Variants in MAN2A1 observed in about 807,000 individuals in gnomAD.
MAN2A1 encodes alpha-mannosidase 2.
A neutral mutation model predicts 142.6 loss-of-function variants in MAN2A1; 76 were observed. The ratio of observed to expected loss-of-function variants is 0.53; its 90% CI spans 0.44 to 0.65. MAN2A1 has a LOEUF of 0.65. Among genes scored for constraint, MAN2A1 ranks in the 30% least tolerant of loss-of-function variants. The pLI is 0.00. For synonymous variants in MAN2A1, 559 were observed against 473.2 expected, an observed-to-expected ratio of 1.18 and a Z score of -2.35; for missense variants, 1,311 against 1,365.1, an observed-to-expected ratio of 0.96 and a Z score of 0.62.
intron 16 of MAN2A1, among the ~76,000 whole-genome samples, chr5:109,836,976 C>A (rs544419696): frequency 1.3e-5 from 2 of 151,596 alleles, no homozygotes; most frequent in African/African-American, 2.4e-5. Flanking sequence ...TGTTTCTCTG[C>A]CAAGAGAGAC....
At chr5:109,811,633 C>T (rs1346264715) in intron 12 of MAN2A1, among the ~76,000 whole-genome samples, 4 of 150,352 alleles carry the variant, frequency 2.7e-5, no homozygotes, top group Non-Finnish European at 5.9e-5. Context: ...TGCATGCATA[C>T]GTATGCATCC....
At chr5:109,784,992 C>T (rs1282051087) in intron 10 of MAN2A1, 66 bp downstream of exon 10, 3 of 1,231,592 alleles carry the variant, frequency 2.4e-6, no homozygotes, top group South Asian at 3.2e-5. Flanking sequence ...AAGATTATAT[C>T]TTTTGGTGAA....
chr5:109,730,173 A>G (rs1408676022), intron 4 of MAN2A1, among the ~76,000 whole-genome samples: 2 of 152,156 alleles, frequency 1.3e-5, no homozygotes, highest in Non-Finnish European at 1.5e-5. Flanking sequence ...TTAGTCAGCA[A>G]TATAATTTTT....
chr5:109,722,204 T>C (rs1267552130), intron 3 of MAN2A1, among the ~76,000 whole-genome samples: 1 of 152,206 alleles, frequency 6.6e-6, no homozygotes, highest in Non-Finnish European at 1.5e-5. Flanking sequence ...TTATTAACCA[T>C]AAAAAAGATT....
At chr5:109,820,478 C>A (rs1754593985) in intron 15 of MAN2A1, 136 bp downstream of exon 15, 2 of 853,668 alleles carry the variant, frequency 2.3e-6, no homozygotes, top group Non-Finnish European at 3.5e-6. Flanking sequence ...GCAGTATTAT[C>A]TATCACCTTA....
chr5:109,701,346 C>T (rs1463016405), intron 1 of MAN2A1, among the ~76,000 whole-genome samples: 2 of 152,212 alleles, frequency 1.3e-5, no homozygotes, highest in Admixed American at 6.5e-5. Flanking sequence ...GCTTTGAATC[C>T]TGGAGGAGAT....
chr5:109,754,939 T>C (rs1375104342), intron 4 of MAN2A1, among the ~76,000 whole-genome samples: 1 of 152,226 alleles, frequency 6.6e-6, no homozygotes, highest in Non-Finnish European at 1.5e-5. Context: ...AGGCGGAGGT[T>C]GCAGTGAGCC....
chr5:109,853,644 T>G (rs967763179), intron 19 of MAN2A1: 1 of 152,200 alleles, frequency 6.6e-6, no homozygotes, highest in African/African-American at 2.4e-5. Flanking sequence ...GTGTTTTCTT[T>G]TCTGTTTGAA....
intron 1 of MAN2A1, among the ~76,000 whole-genome samples, chr5:109,703,284 C>T (rs934579863): frequency 1.3e-5 from 2 of 152,198 alleles, no homozygotes; most frequent in Non-Finnish European, 2.9e-5. Flanking sequence ...TCCTAACATG[C>T]AATACATGGC....
At chr5:109,788,493 G>A (rs189675222) in intron 10 of MAN2A1, among the ~76,000 whole-genome samples, 2 of 151,868 alleles carry the variant, frequency 1.3e-5, no homozygotes, top group Admixed American at 1.3e-4. Flanking sequence ...AATTCTTGGG[G>A]TATGACTTGT....
intron 20 of MAN2A1, among the ~76,000 whole-genome samples, chr5:109,858,596 C>T (rs1347049974): frequency 6.6e-6 from 1 of 152,178 alleles, no homozygotes; most frequent in Non-Finnish European, 1.5e-5. Flanking sequence ...GAAATAATGT[C>T]AAAATAGACA....
At chr5:109,864,907 T>C in intron 20 of MAN2A1, 129 bp from the exon 21 acceptor site, 2 of 678,570 alleles carry the variant, frequency 2.9e-6, no homozygotes, top group South Asian at 1.7e-5. Context: ...TGAGGAGAAA[T>C]GAATTTGCCT....
At chr5:109,749,991 G>T (rs74390391) in intron 4 of MAN2A1, among the ~76,000 whole-genome samples, 1 of 151,934 alleles carries the variant, frequency 6.6e-6, no homozygotes, top group Non-Finnish European at 1.5e-5. Context: ...GTGGCTTTAA[G>T]TATGGTCCTT....
chr5:109,845,657 T>A (rs1755326474), intron 17 of MAN2A1, among the ~76,000 whole-genome samples: 1 of 152,218 alleles, frequency 6.6e-6, no homozygotes, highest in African/African-American at 2.4e-5. Context: ...AAGTTCTACC[T>A]TTCCCACCTA....
rs549647745 is a variant in MAN2A1 at position 109,714,840 on chromosome 5, C to G, written c.390+1066C>G. On this transcript the variant is annotated intron_variant, in intron 2 of 21. Coordinates refer to ENST00000261483, the MANE Select transcript of MAN2A1 (RefSeq NM_002372.4). ...GCTGGCCAGGTCTTGCACCTGCAAC[C>G]TCATCAGCTAGAGTGTAGCCAGATT... Among the ~76,000 whole-genome samples the G allele has an allele frequency of 4.9e-4, 75 of 152,300 alleles. No homozygotes were observed. In the South Asian group the frequency reaches 0.015, roughly 31 times the overall value.
intron 4 of MAN2A1, among the ~76,000 whole-genome samples, chr5:109,731,046 G>A (rs976918555): frequency 1.3e-5 from 2 of 151,976 alleles, no homozygotes; most frequent in Admixed American, 6.6e-5. Context: ...GACATTTGAC[G>A]TTCCTTCTCA....
chr5:109,817,193 TATGTATATCTAC>T, intron 12 of MAN2A1, 68 bp from the exon 13 acceptor site: 1 of 774,014 alleles, frequency 1.3e-6, no homozygotes, highest in Non-Finnish European at 1.9e-6. Flanking sequence ...TGTATATGTA[TATGTATATCTAC>T]ATGTATATGT....
chr5:109,804,570 A>G (rs1456980402), intron 12 of MAN2A1, among the ~76,000 whole-genome samples: 1 of 152,064 alleles, frequency 6.6e-6, no homozygotes, highest in South Asian at 2.1e-4. Context: ...AGTGTTTTGT[A>G]TCTTTAATCG....
chr5:109,823,864 A>T, intron 16 of MAN2A1, 27 bp downstream of exon 16: 1 of 1,159,148 alleles, frequency 8.6e-7, no homozygotes, highest in South Asian at 1.5e-5. Flanking sequence ...GCAGTTATGA[A>T]ACATATGTAT....
Sources: gnomAD v4.1 joint callset for allele counts (sites outside exome capture counted in the v4.1 genomes callset) on GRCh38, gnomAD v4.1.1 for gene constraint, MANE v1.5 for transcripts, NCBI Gene and HGNC (gene_info 2026-07-23, HGNC 2026-07-21) for gene names.